LHFPL3: variants seen among roughly 807,000 people sequenced by gnomAD.
The protein encoded by LHFPL3 is LHFPL tetraspan subfamily member 3.
LHFPL3 carries 5 observed loss-of-function variants against 19.3 expected under a neutral mutation model. The observed-to-expected ratio is 0.26, with a 90% CI of 0.14 to 0.54. The LOEUF (loss-of-function observed/expected upper bound fraction) is 0.54. Among genes scored for constraint, LHFPL3 ranks in the 20% least tolerant of loss-of-function variants. LHFPL3 has a pLI of 0.94. For missense variants in LHFPL3, 249 were observed against 307.4 expected, an observed-to-expected ratio of 0.81 and a Z score of 1.42; for synonymous variants, 133 against 126.2, an observed-to-expected ratio of 1.05 and a Z score of -0.36.
chr7:104,746,768 C>A (rs548763952), intron 2 of LHFPL3, among the ~76,000 whole-genome samples: 6 of 152,144 alleles, frequency 3.9e-5, no homozygotes, highest in Non-Finnish European at 7.4e-5. Context: ...AGAGATAATG[C>A]ATGTAAAACT....
At chr7:104,647,003 G>C (rs938554478) in intron 1 of LHFPL3, among the ~76,000 whole-genome samples, 3 of 152,146 alleles carry the variant, frequency 2.0e-5, no homozygotes, top group Non-Finnish European at 4.4e-5. Flanking sequence ...GTTTATCCCA[G>C]CATGATGTAT....
intron 2 of LHFPL3, among the ~76,000 whole-genome samples, chr7:104,822,578 T>G (rs1250112462): frequency 6.6e-6 from 1 of 152,180 alleles, no homozygotes; most frequent in East Asian, 1.9e-4. Context: ...ATATCTTCAG[T>G]CATTGCCACA....
intron 1 of LHFPL3, among the ~76,000 whole-genome samples, chr7:104,614,895 CA>C (rs1253065132): frequency 6.6e-6 from 1 of 151,632 alleles, no homozygotes; most frequent in Non-Finnish European, 1.5e-5. Context: ...GGACCACAGA[CA>C]CGTGCTACAG....
intron 2 of LHFPL3, among the ~76,000 whole-genome samples, chr7:104,863,848 G>A (rs1791663244): frequency 6.6e-6 from 1 of 152,214 alleles, no homozygotes; most frequent in Non-Finnish European, 1.5e-5. Context: ...ATCAGGCACT[G>A]AACTGCATAA....
chr7:104,363,445 T>C (rs1428876815), intron 1 of LHFPL3, among the ~76,000 whole-genome samples: 1 of 152,232 alleles, frequency 6.6e-6, no homozygotes, highest in Non-Finnish European at 1.5e-5. Flanking sequence ...TCCTCAAATC[T>C]CAGTAGTTGA....
At chr7:104,868,010 C>T (rs1791762082) in intron 2 of LHFPL3, among the ~76,000 whole-genome samples, 1 of 152,074 alleles carries the variant, frequency 6.6e-6, no homozygotes, top group Non-Finnish European at 1.5e-5. Flanking sequence ...CAGAAAAGGC[C>T]TTTGACAAAA....
intron 1 of LHFPL3, among the ~76,000 whole-genome samples, chr7:104,609,296 C>T (rs1016743203): frequency 6.6e-6 from 1 of 151,784 alleles, no homozygotes; most frequent in African/African-American, 2.4e-5. Flanking sequence ...AAGTTAGCCA[C>T]AGTTAGTTTT....
chr7:104,512,111 C>A (rs995778374), intron 1 of LHFPL3, among the ~76,000 whole-genome samples: 1 of 151,728 alleles, frequency 6.6e-6, no homozygotes, highest in Admixed American at 6.6e-5. Flanking sequence ...CGCTCCACCA[C>A]ACTCAGCTAA....
intron 1 of LHFPL3, among the ~76,000 whole-genome samples, chr7:104,407,061 T>C (rs1562888031): frequency 2.6e-5 from 4 of 152,158 alleles, no homozygotes; most frequent in African/African-American, 9.7e-5. Flanking sequence ...ACAATGGGGA[T>C]CACAGTACTG....
At chr7:104,852,397 A>C (rs995707636) in intron 2 of LHFPL3, among the ~76,000 whole-genome samples, 2 of 152,208 alleles carry the variant, frequency 1.3e-5, no homozygotes, top group Non-Finnish European at 2.9e-5. Context: ...AGGGAGGTGG[A>C]GGAGGAGGGC....
rs1791947719 is a variant in LHFPL3 at position 104,430,392 on chromosome 7, A to ATATATATATATG, written c.445+101179_445+101180insGTATATATATAT. On this transcript the variant is annotated intron_variant, in intron 1 of 2. Coordinates refer to ENST00000424859, the MANE Select transcript of LHFPL3 (RefSeq NM_199000.3). Reference sequence around the variant, plus strand: ...TGGGTATATATATATACATATATATATATATATATATACATATATATATAT... The same window carrying ATATATATATATG: ...TGGGTATATATATATACATATATATATATATATATATGTATATATATATACATATATATATAT... Among the ~76,000 whole-genome samples the ATATATATATATG allele has an allele frequency of 1.1e-3, 63 of 56,540 alleles. 1 individual carries two copies. Among genetic ancestry groups the ATATATATATATG allele is most frequent in the African/African-American group, 5.9e-3 (58 of 9,852 alleles). The allele number at this position is 56,540 out of a possible 152,430, so 37.1% of individuals were successfully genotyped here.
At chr7:104,670,277 G>T (rs1792451429) in intron 1 of LHFPL3, among the ~76,000 whole-genome samples, 1 of 151,960 alleles carries the variant, frequency 6.6e-6, no homozygotes, top group Non-Finnish European at 1.5e-5. Context: ...GAGTCATTTT[G>T]CACCAGGTAA....
chr7:104,506,995 T>C (rs944962900), intron 1 of LHFPL3, among the ~76,000 whole-genome samples: 15 of 152,218 alleles, frequency 9.9e-5, no homozygotes, highest in African/African-American at 2.4e-4. Flanking sequence ...GTCTCTAAGA[T>C]AGCATATTAA....
At chr7:104,700,823 T>C (rs1204896225) in intron 1 of LHFPL3, among the ~76,000 whole-genome samples, 1 of 152,230 alleles carries the variant, frequency 6.6e-6, no homozygotes, top group Admixed American at 6.5e-5. Context: ...TCCTCAAGCA[T>C]TGATCGCAGT....
chr7:104,657,951 C>A (rs79083723), intron 1 of LHFPL3, among the ~76,000 whole-genome samples: 11,468 of 152,204 alleles, frequency 0.075, 780 homozygotes, highest in East Asian at 0.35. Flanking sequence ...ATGTGGGTCA[C>A]CTTAATCAAG....
intron 2 of LHFPL3, chr7:104,802,714 A>G (rs1422286704): frequency 6.6e-6 from 1 of 152,124 alleles, no homozygotes. Flanking sequence ...ACCCAAGTAG[A>G]ATAAGACAAC....
chr7:104,524,737 A>G (rs1794152205), intron 1 of LHFPL3, among the ~76,000 whole-genome samples: 1 of 152,164 alleles, frequency 6.6e-6, no homozygotes, highest in Non-Finnish European at 1.5e-5. Flanking sequence ...GAAAAATGGA[A>G]ATGCTTTAAG....
At chr7:104,470,341 C>G (rs933494970) in intron 1 of LHFPL3, among the ~76,000 whole-genome samples, 1 of 152,168 alleles carries the variant, frequency 6.6e-6, no homozygotes, top group Non-Finnish European at 1.5e-5. Context: ...CATATTCATC[C>G]TCTTATTTTT....
At chr7:104,396,464 G>A (rs1316882219) in intron 1 of LHFPL3, among the ~76,000 whole-genome samples, 1 of 152,010 alleles carries the variant, frequency 6.6e-6, no homozygotes, top group Non-Finnish European at 1.5e-5. Context: ...GCAGAGTGGG[G>A]CCAGTGAGGA....
Sources: gnomAD v4.1 joint callset for allele counts (sites outside exome capture counted in the v4.1 genomes callset) on GRCh38, gnomAD v4.1.1 for gene constraint, MANE v1.5 for transcripts, NCBI Gene and HGNC (gene_info 2026-07-23, HGNC 2026-07-21) for gene names.